VEPH1: variants seen among roughly 807,000 people sequenced by gnomAD.
The protein encoded by VEPH1 is ventricular zone expressed PH domain containing 1.
A neutral mutation model predicts 85.2 loss-of-function variants in VEPH1; 80 were observed. The ratio of observed to expected loss-of-function variants is 0.94; its 90% CI spans 0.78 to 1.13. The LOEUF is 1.13. VEPH1 is among the 50% of genes most tolerant of loss of function. VEPH1 has a pLI of 0.00. For missense variants in VEPH1, 955 were observed against 980.5 expected (o/e 0.97, Z 0.35); for synonymous variants, 297 against 348.0 (o/e 0.85, Z 1.63).
At position 157,483,581 on chromosome 3, in the gene VEPH1, A is replaced by T. The variant is rs571533881; in HGVS notation, c.138+11631T>A. Among the ~76,000 whole-genome samples, 1,091 of 152,262 alleles carry T rather than the reference A, an allele frequency of 7.2e-3. 15 individuals carry two copies. Among genetic ancestry groups the T allele is most frequent in the African/African-American group, 0.025 (1,044 of 41,574 alleles). On this transcript the variant is annotated intron_variant, in intron 2 of 13. Coordinates refer to ENST00000362010, the MANE Select transcript of VEPH1 (RefSeq NM_001167912.2). ...TTTAAAAACCAGAAATTTTGTTTTT[A>T]AAAAAGAAATCTCTAGAAATTAAAA...
intron 9 of VEPH1, among the ~76,000 whole-genome samples, chr3:157,355,858 C>A (rs1725366904): frequency 6.7e-6 from 1 of 149,992 alleles, no homozygotes; most frequent in South Asian, 2.1e-4. Context: ...TGATGATTTT[C>A]TGTAAAGCAA....
At chr3:157,302,397 A>G (rs939514016) in intron 11 of VEPH1, among the ~76,000 whole-genome samples, 6 of 152,166 alleles carry the variant, frequency 3.9e-5, no homozygotes, top group African/African-American at 1.4e-4. Context: ...CCGAAATCCT[A>G]TCCCCCAAGG....
intron 2 of VEPH1, chr3:157,489,296 A>G: frequency 2.4e-6 from 1 of 419,502 alleles, no homozygotes; most frequent in Non-Finnish European, 4.9e-6. Context: ...TGTTCCCTTC[A>G]CTACAGCCAC....
intron 2 of VEPH1, among the ~76,000 whole-genome samples, chr3:157,480,478 G>T (rs1055527925): frequency 1.9e-4 from 29 of 151,926 alleles, no homozygotes; most frequent in African/African-American, 6.5e-4. Context: ...CTAGTCTCCA[G>T]TGTCTATTGT....
intron 4 of VEPH1, among the ~76,000 whole-genome samples, chr3:157,451,199 A>C (rs1291460194): frequency 1.3e-5 from 2 of 152,186 alleles, no homozygotes; most frequent in African/African-American, 2.4e-5. Flanking sequence ...TTCCTGTAAA[A>C]CTAAATTGGT....
rs1726389000 is a variant in VEPH1 at position 157,364,317 on chromosome 3, G to GT, written c.1322dup (p.Asn441LysfsTer3). ...ACGAGTTATACCTGTTAAATCTAATGTTTTTTCTTTCTTCTTTAGAAACTT... is the reference window on the plus strand; with the variant it reads ...ACGAGTTATACCTGTTAAATCTAATGTTTTTTTCTTTCTTCTTTAGAAACTT... On this transcript the variant is annotated frameshift_variant, in exon 8 of 14. Coordinates refer to ENST00000362010, the MANE Select transcript of VEPH1 (RefSeq NM_001167912.2). LOFTEE classifies it high-confidence loss of function. 1.9e-6 allele frequency: 3 copies of GT among 1,611,018 alleles called. No individual in the cohort carries two copies. The highest frequency in any genetic ancestry group is 2.5e-6 in the Non-Finnish European group (3 of 1,178,600).
At chr3:157,431,191 A>G (rs925439881) in intron 4 of VEPH1, among the ~76,000 whole-genome samples, 1 of 152,160 alleles carries the variant, frequency 6.6e-6, no homozygotes, top group African/African-American at 2.4e-5. Flanking sequence ...TCCTGCTGCC[A>G]TGTAAGACGT....
Position 157,364,493 on chromosome 3 carries a change from TTTC to T in VEPH1, c.1144_1146del (p.Glu382del). On this transcript the variant is annotated inframe_deletion, in exon 8 of 14. Coordinates refer to ENST00000362010, the MANE Select transcript of VEPH1 (RefSeq NM_001167912.2). Reference sequence around the variant, plus strand: ...TCTTCCAGTTTCTCAGGGAATTCAATTTCAGTGCTGATTTTTCTCCTAAAGGAA... The same window carrying T: ...TCTTCCAGTTTCTCAGGGAATTCAATAGTGCTGATTTTTCTCCTAAAGGAA... 6.2e-7 allele frequency: 1 copy of T among 1,613,842 alleles called. No individual in the cohort carries two copies. Among genetic ancestry groups the T allele is most frequent in the East Asian group, 2.2e-5 (1 of 44,836 alleles).
chr3:157,465,827 T>C (rs1043335919), intron 3 of VEPH1, among the ~76,000 whole-genome samples: 2 of 152,156 alleles, frequency 1.3e-5, no homozygotes, highest in African/African-American at 4.8e-5. Context: ...GATTATTCTA[T>C]TACCCCTGTT....
At chr3:157,358,889 G>A (rs1300507127) in intron 9 of VEPH1, among the ~76,000 whole-genome samples, 1 of 151,988 alleles carries the variant, frequency 6.6e-6, no homozygotes, top group Non-Finnish European at 1.5e-5. Flanking sequence ...CCAGCTACTC[G>A]GGAGGCTGAG....
chr3:157,456,879 A>T (rs1178210795), intron 4 of VEPH1, among the ~76,000 whole-genome samples: 1 of 152,060 alleles, frequency 6.6e-6, no homozygotes, highest in Non-Finnish European at 1.5e-5. Flanking sequence ...TTCCATATGA[A>T]TTTTAAAATA....
intron 9 of VEPH1, among the ~76,000 whole-genome samples, chr3:157,348,454 G>T (rs552733505): frequency 6.6e-6 from 1 of 152,226 alleles, no homozygotes; most frequent in South Asian, 2.1e-4. Context: ...TGTAACTGGG[G>T]TGAGGCAATA....
At chr3:157,453,754 C>T (rs1462904531) in intron 4 of VEPH1, among the ~76,000 whole-genome samples, 2 of 152,094 alleles carry the variant, frequency 1.3e-5, no homozygotes, top group African/African-American at 4.8e-5. Context: ...GAGCAAGATC[C>T]CTTCTGCTTT....
chr3:157,488,226 G>A (rs924700769), intron 2 of VEPH1, among the ~76,000 whole-genome samples: 1 of 151,816 alleles, frequency 6.6e-6, no homozygotes, highest in Non-Finnish European at 1.5e-5. Flanking sequence ...ATCTTTATGG[G>A]AAAATGCCCA....
chr3:157,438,071 A>ACACACACC (rs1478919297), intron 4 of VEPH1, among the ~76,000 whole-genome samples: 4 of 146,294 alleles, frequency 2.7e-5, no homozygotes, highest in Non-Finnish European at 3.0e-5. Flanking sequence ...ACACACACAC[A>ACACACACC]CCCCTATTTC....
At chr3:157,442,454 T>C (rs992411939) in intron 4 of VEPH1, 12 of 1,614,252 alleles carry the variant, frequency 7.4e-6, no homozygotes, top group Middle Eastern at 1.6e-4. Context: ...TTGAGTCTTT[T>C]AGTGCCTGCA....
intron 7 of VEPH1, among the ~76,000 whole-genome samples, chr3:157,365,807 G>A (rs1726612521): frequency 6.6e-6 from 1 of 152,156 alleles, no homozygotes; most frequent in African/African-American, 2.4e-5. Context: ...CCCTTTCTGG[G>A]TACGCTGTAC....
At chr3:157,436,138 G>A (rs1219400881) in intron 4 of VEPH1, among the ~76,000 whole-genome samples, 4 of 152,072 alleles carry the variant, frequency 2.6e-5, no homozygotes, top group African/African-American at 7.2e-5. Flanking sequence ...TTAACTGGGT[G>A]TGGTGGCGGG....
chr3:157,306,329 T>C (rs1444572381), intron 11 of VEPH1, among the ~76,000 whole-genome samples: 1 of 152,146 alleles, frequency 6.6e-6, no homozygotes, highest in Non-Finnish European at 1.5e-5. Flanking sequence ...TTATCATAAG[T>C]ATATGTATGT....
Sources: allele counts gnomAD v4.1 joint callset (sites outside exome capture counted in the v4.1 genomes callset), GRCh38; gene constraint gnomAD v4.1.1; transcripts MANE v1.5; gene names NCBI Gene and HGNC (gene_info 2026-07-23, HGNC 2026-07-21).